The following CCDC171 variants were observed in gnomAD, a reference collection of about 807,000 sequenced individuals.
The protein encoded by CCDC171 is coiled-coil domain-containing protein 171.
In CCDC171, 177 loss-of-function variants were observed where a neutral mutation model predicts 168.2. The observed-to-expected ratio is 1.05, with a 90% CI of 0.93 to 1.19. CCDC171 has a LOEUF of 1.19. Ranked by LOEUF, CCDC171 falls within the 50% of genes most tolerant of loss-of-function variation. The probability of loss-of-function intolerance (pLI) is 0.00; values close to 1 mark genes in which losing one functional copy is unlikely to be tolerated. For synonymous variants in CCDC171, 687 were observed against 540.8 expected (o/e 1.27, Z -3.75); for missense variants, 1,991 against 1,539.0 (o/e 1.29, Z -4.91).
Position 15,594,024 on chromosome 9 carries a change from A to G in CCDC171, c.544-17A>G. 5 of 1,560,982 alleles carry G rather than the reference A, an allele frequency of 3.2e-6. No individual in the cohort carries two copies. The highest frequency in any genetic ancestry group is 4.4e-6 in the Non-Finnish European group (5 of 1,148,174). On this transcript the variant is annotated splice_polypyrimidine_tract_variant and intron_variant, in intron 5 of 25. Coordinates refer to ENST00000380701, the MANE Select transcript of CCDC171 (RefSeq NM_173550.4). ...TTTATTGATCTAACAGTAAAGCAAG[A>G]TTTTATTTATATAAAGGAAGCGTTG...
intron 3 of CCDC171, among the ~76,000 whole-genome samples, chr9:16,006,330 C>A (rs967759345): frequency 6.6e-6 from 1 of 152,156 alleles, no homozygotes; most frequent in Admixed American, 6.6e-5. Context: ...TTTTGATTTG[C>A]ATTTCCCTGA....
intron 18 of CCDC171, among the ~76,000 whole-genome samples, chr9:15,768,966 T>A (rs1056606077): frequency 2.0e-5 from 3 of 152,210 alleles, no homozygotes; most frequent in African/African-American, 7.2e-5. Flanking sequence ...CTCATCTGTT[T>A]GTACAGTCTC....
chr9:15,633,156 G>GC (rs1400937594), intron 7 of CCDC171, among the ~76,000 whole-genome samples: 3 of 152,164 alleles, frequency 2.0e-5, no homozygotes, highest in Non-Finnish European at 4.4e-5. Context: ...GGCAAGAAAA[G>GC]CCAAAATTGA....
chr9:15,975,078 T>C (rs892521792), downstream of CCDC171, among the ~76,000 whole-genome samples: 1 of 152,140 alleles, frequency 6.6e-6, no homozygotes, highest in Non-Finnish European at 1.5e-5. Flanking sequence ...CTGTGCACTT[T>C]TTATAGACAA....
At chr9:15,602,526 A>T (rs959243802) in intron 6 of CCDC171, among the ~76,000 whole-genome samples, 2 of 151,572 alleles carry the variant, frequency 1.3e-5, no homozygotes, top group Non-Finnish European at 2.9e-5. Context: ...TTTCTTGGAG[A>T]TTGGAGCACT....
intron 18 of CCDC171, 48 bp from the exon 19 acceptor site, chr9:15,777,552 A>G (rs1227467226): frequency 8.8e-7 from 1 of 1,131,534 alleles, no homozygotes; most frequent in Admixed American, 1.9e-5. Context: ...TGTGAAATGC[A>G]CAAGAGACAA....
chr9:15,933,810 TA>T (rs1331428722), intron 25 of CCDC171, among the ~76,000 whole-genome samples: 1 of 152,006 alleles, frequency 6.6e-6, no homozygotes, highest in Non-Finnish European at 1.5e-5. Flanking sequence ...TCTAAAACTA[TA>T]AAATGCTTAG....
At chr9:15,574,924 G>C (rs2040516717) in intron 3 of CCDC171, among the ~76,000 whole-genome samples, 1 of 152,148 alleles carries the variant, frequency 6.6e-6, no homozygotes, top group Non-Finnish European at 1.5e-5. Context: ...GAGAAGAATT[G>C]CTTATAGACT....
chr9:15,838,822 A>G (rs567750070), intron 21 of CCDC171, among the ~76,000 whole-genome samples: 9 of 152,316 alleles, frequency 5.9e-5, no homozygotes, highest in Admixed American at 2.6e-4. Context: ...CTAACTAGGA[A>G]GAGGTAGCTA....
chr9:15,762,217 A>G (rs1006897802), intron 18 of CCDC171, among the ~76,000 whole-genome samples: 24 of 151,478 alleles, frequency 1.6e-4, no homozygotes, highest in African/African-American at 5.8e-4. Context: ...ACAAAGCAAC[A>G]TAGTTATCTT....
the CCDC171 span, among the ~76,000 whole-genome samples, chr9:16,101,019 C>T: frequency 6.6e-6 from 1 of 152,186 alleles, no homozygotes; most frequent in African/African-American, 2.4e-5. Context: ...AGTGAGTATG[C>T]AGGGTGTTGA....
chr9:15,861,960 A>T (rs1335088409), intron 23 of CCDC171, among the ~76,000 whole-genome samples: 2 of 151,858 alleles, frequency 1.3e-5, no homozygotes, highest in East Asian at 3.9e-4. Flanking sequence ...TTGTCAGGGA[A>T]ATTTTTATGT....
At chr9:15,648,095 A>G (rs1333869036) in intron 7 of CCDC171, among the ~76,000 whole-genome samples, 1 of 152,212 alleles carries the variant, frequency 6.6e-6, no homozygotes, top group African/African-American at 2.4e-5. Flanking sequence ...GGTTCAACAT[A>G]CGCAAATCAA....
At chr9:15,957,051 C>A (rs1480224660) in intron 25 of CCDC171, among the ~76,000 whole-genome samples, 1 of 144,876 alleles carries the variant, frequency 6.9e-6, no homozygotes, top group Non-Finnish European at 1.5e-5. Context: ...TTTTGAGGAG[C>A]TTAATGTATC....
chr9:15,729,842 T>A, intron 16 of CCDC171, 44 bp downstream of exon 16: 4 of 1,524,346 alleles, frequency 2.6e-6, no homozygotes, highest in Non-Finnish European at 3.6e-6. Context: ...GGTTACTCAG[T>A]GTAACCATTA....
At chr9:15,680,382 A>C (rs1366251101) in intron 10 of CCDC171, among the ~76,000 whole-genome samples, 1 of 152,112 alleles carries the variant, frequency 6.6e-6, no homozygotes, top group Non-Finnish European at 1.5e-5. Context: ...TTATATTCCA[A>C]AAGTTTTAGT....
intron 18 of CCDC171, among the ~76,000 whole-genome samples, chr9:15,757,269 C>G (rs952912162): frequency 6.6e-6 from 1 of 152,086 alleles, no homozygotes; most frequent in Non-Finnish European, 1.5e-5. Context: ...ACAATAAGGT[C>G]CAGGCTGAGG....
chr9:15,847,267 A>G lies in CCDC171; in HGVS notation c.3413+420A>G, dbSNP rs151137480. ...AATATTGCGAGTAATATTTCCATAA[A>G]GAAATGTTAGCATACAATCAGCATG... On this transcript the variant is annotated intron_variant, in intron 22 of 25. Coordinates refer to ENST00000380701, the MANE Select transcript of CCDC171 (RefSeq NM_173550.4). Among the ~76,000 whole-genome samples the G allele has an allele frequency of 8.2e-3, 1,244 of 152,186 alleles. 14 individuals are homozygous for G. Among genetic ancestry groups the G allele is most frequent in the Non-Finnish European group, 0.011 (753 of 67,962 alleles).
intron 3 of CCDC171, among the ~76,000 whole-genome samples, chr9:15,985,813 C>G (rs1275532403): frequency 6.6e-6 from 1 of 152,180 alleles, no homozygotes; most frequent in Non-Finnish European, 1.5e-5. Flanking sequence ...ATATGAGTCC[C>G]TTTGACAGAC....
Sources: gnomAD v4.1 joint callset for allele counts (sites outside exome capture counted in the v4.1 genomes callset) on GRCh38, gnomAD v4.1.1 for gene constraint, MANE v1.5 for transcripts, NCBI Gene and HGNC (gene_info 2026-07-23, HGNC 2026-07-21) for gene names.